Variants in ALDH1L2 observed in about 807,000 individuals in gnomAD.
ALDH1L2 encodes the protein aldehyde dehydrogenase 1 family member L2.
In ALDH1L2, 91 loss-of-function variants were observed where a neutral mutation model predicts 111.0. The observed-to-expected ratio is 0.82, with a 90% CI of 0.69 to 0.98. The LOEUF (loss-of-function observed/expected upper bound fraction) is 0.98, where lower values mean the gene tolerates loss of function less well. ALDH1L2 is among the 50% of genes least tolerant of loss of function. ALDH1L2 has a pLI of 0.00. For synonymous variants in ALDH1L2, 374 were observed against 392.6 expected (o/e 0.95, Z 0.56); for missense variants, 995 against 1,126.8 (o/e 0.88, Z 1.67).
At chr12:105,035,474 C>T (rs1874934297) in intron 18 of ALDH1L2, among the ~76,000 whole-genome samples, 1 of 151,852 alleles carries the variant, frequency 6.6e-6, no homozygotes, top group South Asian at 2.1e-4. Flanking sequence ...AGGTGAACAC[C>T]ACCCTGGGCT....
chr12:105,029,411 C>G (rs2136046591), intron 21 of ALDH1L2, among the ~76,000 whole-genome samples: 1 of 152,254 alleles, frequency 6.6e-6, no homozygotes, highest in South Asian at 2.1e-4. Context: ...CTGCCTCTGA[C>G]CCTCTGTGGA....
intron 12 of ALDH1L2, among the ~76,000 whole-genome samples, chr12:105,051,256 C>T (rs1464033201): frequency 6.6e-6 from 1 of 152,178 alleles, no homozygotes; most frequent in Admixed American, 6.5e-5. Context: ...TCACCTGGCT[C>T]CCTTGCTCTC....
intron 15 of ALDH1L2, 113 bp from the exon 16 acceptor site, chr12:105,040,807 T>G: frequency 2.4e-6 from 2 of 823,752 alleles, no homozygotes; most frequent in Non-Finnish European, 2.0e-6. Context: ...TTATTGTACA[T>G]TGTCTTATTT....
At position 105,021,040 on chromosome 12, in the gene ALDH1L2, A is replaced by G. The variant is rs968969020; in HGVS notation, c.*3384T>C. 2 of 152,392 alleles carry G rather than the reference A, an allele frequency of 1.3e-5. No homozygotes were observed. The highest frequency in any genetic ancestry group is 4.8e-5 in the African/African-American group (2 of 41,454). 9.4% of individuals were successfully genotyped at this position (152,392 alleles called of 1,614,324 possible). ...AGGACAGAGGCCCTGAGGCAGGAGCAGGCTTGTTCTGTTGAGGAAGTCAAG... is the reference window on the plus strand; with the variant it reads ...AGGACAGAGGCCCTGAGGCAGGAGCGGGCTTGTTCTGTTGAGGAAGTCAAG... On this transcript the variant is annotated 3_prime_UTR_variant, in exon 23 of 23. Coordinates refer to ENST00000258494, the MANE Select transcript of ALDH1L2 (RefSeq NM_001034173.4).
rs1377370533 is a variant in ALDH1L2 at position 105,034,502 on chromosome 12, A to T, written c.2146-104T>A. 5.4e-6 allele frequency: 5 copies of T among 919,070 alleles called. No homozygotes were observed. The Admixed American group carries it at 1.3e-4, about 24-fold the overall frequency. The allele number at this position is 919,070 out of a possible 1,614,324, so 56.9% of individuals were successfully genotyped here. ...TAGTTGTTTTTGGAAGACAGCAGGCAATATAGATAAGTCACAGACAATCCT... is the reference window on the plus strand; with the variant it reads ...TAGTTGTTTTTGGAAGACAGCAGGCTATATAGATAAGTCACAGACAATCCT... On this transcript the variant is annotated intron_variant, in intron 18 of 22. Transcript: ENST00000258494.
At chr12:105,029,207 A>G (rs1253329915) in intron 21 of ALDH1L2, among the ~76,000 whole-genome samples, 1 of 150,074 alleles carries the variant, frequency 6.7e-6, no homozygotes, top group East Asian at 2.0e-4. Flanking sequence ...TTTAAAAAAA[A>G]TTTTTGTAGA....
intron 7 of ALDH1L2, 140 bp from the exon 8 acceptor site, chr12:105,061,892 T>A (rs1476171349): frequency 3.8e-6 from 4 of 1,051,926 alleles, no homozygotes; most frequent in Non-Finnish European, 4.1e-6. Context: ...GCATTCACCA[T>A]TATGTGTAAA....
At chr12:105,058,372 A>G in intron 9 of ALDH1L2, 152 bp from the exon 10 acceptor site, 2 of 733,672 alleles carry the variant, frequency 2.7e-6, no homozygotes, top group Non-Finnish European at 3.9e-6. Context: ...CATCAGAGAA[A>G]TTGATAAGAC....
chr12:105,035,837 A>ATGTGTGTGTG lies in ALDH1L2; in HGVS notation c.2146-1440_2146-1439insCACACACACA, dbSNP rs758853950. On this transcript the variant is annotated intron_variant, in intron 18 of 22. Coordinates refer to ENST00000258494, the MANE Select transcript of ALDH1L2 (RefSeq NM_001034173.4). ...ATATATAGTGTGTCTATATATATAT[A>ATGTGTGTGTG]TATGTGTGTGTGTGTGTGTGTGTGT... is the stretch of plus-strand genomic sequence containing the variant. Among the ~76,000 whole-genome samples, 62 of 95,640 alleles carry ATGTGTGTGTG rather than the reference A, an allele frequency of 6.5e-4. 14 individuals are homozygous for ATGTGTGTGTG. The highest frequency in any genetic ancestry group is 4.7e-3 in the African/African-American group (61 of 12,900). 62.7% of individuals were successfully genotyped at this position (95,640 alleles called of 152,430 possible).
intron 3 of ALDH1L2, among the ~76,000 whole-genome samples, chr12:105,069,667 A>G (rs904871043): frequency 4.6e-5 from 7 of 152,344 alleles, no homozygotes; most frequent in Admixed American, 4.6e-4. Context: ...TACAATTAAT[A>G]TTTTTCATCA....
chr12:105,040,296 G>C (rs1875454262), intron 16 of ALDH1L2, among the ~76,000 whole-genome samples: 1 of 151,850 alleles, frequency 6.6e-6, no homozygotes. Context: ...GAAATTATCA[G>C]ACTCCCAAAA....
chr12:105,024,265 T>C lies in ALDH1L2; in HGVS notation c.*159A>G. The stretch of plus-strand genomic sequence containing the variant: ...GTGTATTAGAAAATACTCAGGCACA[T>C]GTGTAAATGCTTTAACATGGCCTGG... On this transcript the variant is annotated 3_prime_UTR_variant, in exon 23 of 23. Coordinates refer to ENST00000258494, the MANE Select transcript of ALDH1L2 (RefSeq NM_001034173.4). 1 of 698,030 alleles carries C rather than the reference T, an allele frequency of 1.4e-6. No homozygotes were observed. Among genetic ancestry groups the C allele is most frequent in the Non-Finnish European group, 2.5e-6 (1 of 404,704 alleles). The allele number at this position is 698,030 out of a possible 1,614,324, so 43.2% of individuals were successfully genotyped here.
intron 13 of ALDH1L2, among the ~76,000 whole-genome samples, chr12:105,049,050 T>C (rs1030736192): frequency 3.3e-5 from 5 of 151,716 alleles, no homozygotes; most frequent in African/African-American, 9.7e-5. Context: ...AAAAAAAATT[T>C]TTTTTTAATT....
Position 105,021,693 on chromosome 12 carries a change from G to T in ALDH1L2, c.*2731C>A, listed in dbSNP as rs1874170993. Reference sequence around the variant, plus strand: ...GAAGATTAAATAACATTTAAAACATGCTTAGCCTAAGGTCTTTCATACAGG... The same window carrying T: ...GAAGATTAAATAACATTTAAAACATTCTTAGCCTAAGGTCTTTCATACAGG... On this transcript the variant is annotated 3_prime_UTR_variant, in exon 23 of 23. Coordinates refer to ENST00000258494, the MANE Select transcript of ALDH1L2 (RefSeq NM_001034173.4). 1 of 152,094 alleles carries T rather than the reference G, an allele frequency of 6.6e-6. No homozygotes were observed. Among genetic ancestry groups the T allele is most frequent in the Admixed American group, 6.6e-5 (1 of 15,266 alleles). 9.4% of individuals were successfully genotyped at this position (152,094 alleles called of 1,614,324 possible).
intron 5 of ALDH1L2, 57 bp from the exon 6 acceptor site, chr12:105,065,413 T>C (rs1877290902): frequency 2.1e-6 from 3 of 1,414,812 alleles, no homozygotes; most frequent in Non-Finnish European, 2.0e-6. Context: ...TCAAAGGCAA[T>C]AAAAACGCTT....
At chr12:105,071,352 G>C (rs1336692790) in intron 2 of ALDH1L2, among the ~76,000 whole-genome samples, 1 of 151,824 alleles carries the variant, frequency 6.6e-6, no homozygotes, top group Non-Finnish European at 1.5e-5. Flanking sequence ...ATTAACAAAG[G>C]TGAGAGGCCA....
At chr12:105,026,412 G>A in intron 22 of ALDH1L2, 133 bp downstream of exon 22, 2 of 917,410 alleles carry the variant, frequency 2.2e-6, no homozygotes, top group South Asian at 1.7e-5. Context: ...AAAAACGAAT[G>A]CCCTTCTAAA....
intron 7 of ALDH1L2, among the ~76,000 whole-genome samples, chr12:105,062,293 CACAG>C (rs1009595471): frequency 3.9e-5 from 6 of 152,120 alleles, no homozygotes; most frequent in Non-Finnish European, 5.9e-5. Context: ...CTCAGTGCCA[CACAG>C]ACAGTAAGTA....
intron 13 of ALDH1L2, chr12:105,047,730 T>G (rs1239064349): frequency 6.6e-6 from 1 of 152,224 alleles, no homozygotes; most frequent in Non-Finnish European, 1.5e-5. Context: ...ACATAAAATA[T>G]TATTGCTACT....
Sources: allele counts gnomAD v4.1 joint callset (sites outside exome capture counted in the v4.1 genomes callset), GRCh38; gene constraint gnomAD v4.1.1; transcripts MANE v1.5; gene names NCBI Gene and HGNC (gene_info 2026-07-23, HGNC 2026-07-21).